The following PLCB2 variants were observed in gnomAD, a reference collection of about 807,000 sequenced individuals.
PLCB2 encodes phospholipase C beta 2.
Under a neutral mutation model 141.7 loss-of-function variants are expected in PLCB2, and 115 were observed. That is an observed-to-expected ratio of 0.81 (90% CI 0.70 to 0.95). The LOEUF (loss-of-function observed/expected upper bound fraction) is 0.95, where lower values mean the gene tolerates loss of function less well. Ranked by LOEUF, PLCB2 falls within the 40% of genes least tolerant of loss-of-function variation. The pLI, the probability that PLCB2 is intolerant of heterozygous loss-of-function variation, is 0.00. For missense variants in PLCB2, 1,403 were observed against 1,541.1 expected (o/e 0.91, Z 1.50); for synonymous variants, 603 against 595.6 (o/e 1.01, Z -0.18).
chr15:40,284,745 C>G (rs1237723835), downstream of PLCB2, among the ~76,000 whole-genome samples: 1 of 139,622 alleles, frequency 7.2e-6, no homozygotes, highest in African/African-American at 2.7e-5. Context: ...GAGGCTGACG[C>G]AGGAGAATTG....
chr15:40,298,063 G>A, intron 11 of PLCB2, 104 bp from the exon 12 acceptor site: 1 of 1,154,476 alleles, frequency 8.7e-7, no homozygotes. Flanking sequence ...ACATATAACT[G>A]CATGGCCGCC....
chr15:40,292,455 G>GTCTC lies in PLCB2; in HGVS notation c.2327-13_2327-12insGAGA. ...CAGGTGGTGGTACCCTGTGAGACAG[G>GTCTC]ACAGGGTAGGCAGTGAGCCAGAGCC... On this transcript the variant is annotated splice_polypyrimidine_tract_variant and intron_variant, in intron 21 of 31. Transcript: ENST00000260402. The GTCTC allele has an allele frequency of 6.3e-7, 1 of 1,583,754 alleles. No homozygotes were observed. Among genetic ancestry groups the GTCTC allele is most frequent in the Non-Finnish European group, 8.7e-7 (1 of 1,153,672 alleles).
chr15:40,291,525 C>T (rs1310047933), intron 25 of PLCB2, 38 bp from the exon 26 acceptor site: 6 of 1,602,454 alleles, frequency 3.7e-6, no homozygotes, highest in Non-Finnish European at 5.1e-6. Context: ...CCGGCCAGGC[C>T]GTCCTGCCCG....
intron 1 of PLCB2, among the ~76,000 whole-genome samples, chr15:40,304,711 C>A (rs1354001280): frequency 6.6e-6 from 1 of 152,140 alleles, no homozygotes; most frequent in Non-Finnish European, 1.5e-5. Flanking sequence ...GACTCCAGGA[C>A]AACAAGCCTG....
intron 16 of PLCB2, among the ~76,000 whole-genome samples, 200 bp downstream of exon 16, chr15:40,296,096 C>G (rs1010323200): frequency 6.6e-6 from 1 of 152,146 alleles, no homozygotes. Flanking sequence ...CCTGTCATAA[C>G]GCCCAGCCTG....
At position 40,298,296 on chromosome 15, in the gene PLCB2, C is replaced by T. The variant is rs756446815; in HGVS notation, c.1082G>A (p.Trp361Ter). The change falls in exon 11 of 32, where the codon TGG becomes TAG. Residue 361 changes from tryptophan to a stop codon, truncating the protein, a stop_gained. Transcript: ENST00000260402. LOFTEE classifies it high-confidence loss of function. ...SGCRCVELDC[W>*]KGKPPDEEPI... ...CTCCTCGTCAGGGGGTTTCCCCTTC[C>T]AGCAGTCTAGCTCCACGCAACGGCA... 1.6e-5 allele frequency: 25 copies of T among 1,605,916 alleles called. No individual in the cohort carries two copies. The South Asian group carries it at 2.5e-4, about 16-fold the overall frequency.
chr15:40,291,776 T>C (rs889957513), intron 24 of PLCB2, 73 bp downstream of exon 24: 2 of 1,609,290 alleles, frequency 1.2e-6, no homozygotes, highest in South Asian at 1.1e-5. Context: ...CTAGGTGAAA[T>C]TTTTTAAAGG....
In PLCB2 at chr15:40,299,464, C is replaced by T. The variant is rs113641285; in HGVS notation, c.583-236G>A. Among the ~76,000 whole-genome samples, 682 of 152,256 alleles carry T rather than the reference C, an allele frequency of 4.5e-3. 3 individuals are homozygous for T. The highest frequency in any genetic ancestry group is 7.8e-3 in the Admixed American group (120 of 15,294). The stretch of plus-strand genomic sequence containing the variant: ...ACAGTGGCTATTCCATTGGCTGGGG[C>T]AGGATCGGAACTAAGAATAACCAGA... On this transcript the variant is annotated intron_variant, in intron 7 of 31. Coordinates refer to ENST00000260402, the MANE Select transcript of PLCB2 (RefSeq NM_004573.3).
chr15:40,295,170 A>G (rs1244474059), intron 17 of PLCB2, 31 bp downstream of exon 17: 1 of 1,610,806 alleles, frequency 6.2e-7, no homozygotes, highest in South Asian at 1.1e-5. Flanking sequence ...ACCCAAGCCA[A>G]GGACCCTGGC....
At position 40,302,177 on chromosome 15, in the gene PLCB2, G is replaced by C; in HGVS notation, c.465C>G (p.Leu155=). 1 of 1,612,338 alleles carries C rather than the reference G, an allele frequency of 6.2e-7. No homozygotes were observed. The highest frequency in any genetic ancestry group is 2.2e-5 in the East Asian group (1 of 44,846). ...STFLDKILVK[L]KMQLNSEGKI... ...TCCCTTCAGAGTTGAGCTGCATCTT[G>C]AGCTTCACAAGGCTGGGGGCAGAAA... is the stretch of plus-strand genomic sequence containing the variant. The change falls in exon 6 of 32, where the codon CTC becomes CTG. Residue 155 remains leucine, a synonymous_variant. Transcript: ENST00000260402.
intron 19 of PLCB2, 38 bp downstream of exon 19, chr15:40,294,228 C>A: frequency 6.2e-7 from 1 of 1,608,750 alleles, no homozygotes; most frequent in Non-Finnish European, 8.5e-7. Context: ...TACTCAAGAC[C>A]TCAGCCTCCC....
At chr15:40,293,364 T>TCA (rs151026532) in intron 20 of PLCB2, among the ~76,000 whole-genome samples, 196 bp downstream of exon 20, 5,529 of 152,160 alleles carry the variant, frequency 0.036, 252 homozygotes, top group African/African-American at 0.11. Flanking sequence ...CCTCTAATCT[T>TCA]CACACACACA....
chr15:40,306,521 G>A (rs1027899559), intron 1 of PLCB2, among the ~76,000 whole-genome samples: 1 of 152,152 alleles, frequency 6.6e-6, no homozygotes, highest in Admixed American at 6.6e-5. Context: ...TCATTCCACA[G>A]GCTCCTGGGG....
Position 40,302,352 on chromosome 15 carries a change from G to A in PLCB2, c.373-3C>T, listed in dbSNP as rs2040560318. 6.2e-7 allele frequency: 1 copy of A among 1,613,738 alleles called. No homozygotes were observed. The highest frequency in any genetic ancestry group is 1.1e-5 in the South Asian group (1 of 91,060). On this transcript the variant is annotated splice_polypyrimidine_tract_variant and splice_region_variant and intron_variant, in intron 4 of 31. Transcript: ENST00000260402. Reference sequence around the variant, plus strand: ...GCCAGTACGTCCTCAGCCCAGGCCTGCAGGACCACAGAGAGCAGCGGTCAG... The same window carrying A: ...GCCAGTACGTCCTCAGCCCAGGCCTACAGGACCACAGAGAGCAGCGGTCAG...
At chr15:40,303,803 G>C in intron 2 of PLCB2, 198 bp downstream of exon 2, 1 of 555,268 alleles carries the variant, frequency 1.8e-6, no homozygotes, top group Non-Finnish European at 3.2e-6. Context: ...GGAACATTTG[G>C]GTAGCCACAG....
rs2040229565 is a variant in PLCB2, at chr15:40,296,569, ACTC to A, written c.1549_1551del (p.Glu517del). On this transcript the variant is annotated inframe_deletion, in exon 15 of 32. Transcript: ENST00000260402. The stretch of plus-strand genomic sequence containing the variant: ...ATCTCTTCTTCATCCAGGTTTCCTG[ACTC>A]CTCCTCCTCTTCCTCTTCCACCTCC... 1.2e-6 allele frequency: 2 copies of A among 1,611,686 alleles called. No homozygotes were observed. The highest frequency in any genetic ancestry group is 1.7e-6 in the Non-Finnish European group (2 of 1,178,982).
chr15:40,286,542 G>T (rs1351863407), downstream of PLCB2, among the ~76,000 whole-genome samples: 8 of 152,170 alleles, frequency 5.3e-5, no homozygotes, highest in Admixed American at 5.2e-4. Flanking sequence ...AATTGGGAAA[G>T]GGGTAGGGAC....
intron 20 of PLCB2, 96 bp from the exon 21 acceptor site, chr15:40,293,121 C>T (rs2040024045): frequency 6.8e-6 from 5 of 730,130 alleles, no homozygotes; most frequent in Non-Finnish European, 1.2e-5. Flanking sequence ...AGTGTGAGAA[C>T]ATGGTGAGTG....
At chr15:40,303,962 G>A (rs1278658596) in intron 2 of PLCB2, 39 bp downstream of exon 2, 1 of 1,373,168 alleles carries the variant, frequency 7.3e-7, no homozygotes, top group Admixed American at 2.0e-5. Context: ...TCAATGATAA[G>A]CAGGAGTCCA....
Sources: gnomAD v4.1 joint callset for allele counts (sites outside exome capture counted in the v4.1 genomes callset) on GRCh38, gnomAD v4.1.1 for gene constraint, MANE v1.5 for transcripts, NCBI Gene and HGNC (gene_info 2026-07-23, HGNC 2026-07-21) for gene names.